Variants in ADAMTS19 observed in about 807,000 individuals in gnomAD.
The protein encoded by ADAMTS19 is A disintegrin and metalloproteinase with thrombospondin motifs 19.
Under a neutral mutation model 153.3 loss-of-function variants are expected in ADAMTS19, and 93 were observed. The observed-to-expected ratio is 0.61, with a 90% CI of 0.51 to 0.72. ADAMTS19 has a LOEUF of 0.72. ADAMTS19 is among the 30% of genes least tolerant of loss of function. ADAMTS19 has a pLI of 0.00. For missense variants in ADAMTS19, 1,482 were observed against 1,552.1 expected, an observed-to-expected ratio of 0.95 and a Z score of 0.76; for synonymous variants, 600 against 556.6, an observed-to-expected ratio of 1.08 and a Z score of -1.10.
At position 129,580,946 on chromosome 5, in the gene ADAMTS19, A is replaced by G. The variant is rs553105742; in HGVS notation, c.1373-15613A>G. On this transcript the variant is annotated intron_variant, in intron 7 of 22. Coordinates refer to ENST00000274487, the MANE Select transcript of ADAMTS19 (RefSeq NM_133638.6). Reference sequence around the variant, plus strand: ...TTGGTATCAGGATGATGCTGGCCTCATAAAATGAGTTAGGGAGGAGTCCCT... The same window carrying G: ...TTGGTATCAGGATGATGCTGGCCTCGTAAAATGAGTTAGGGAGGAGTCCCT... 1.9e-3 allele frequency among the ~76,000 whole-genome samples: 284 copies of G among 152,344 alleles called. 3 individuals carry two copies. The highest frequency in any genetic ancestry group is 6.4e-3 in the African/African-American group (266 of 41,572).
At chr5:129,503,093 T>A (rs369093116) in intron 2 of ADAMTS19, among the ~76,000 whole-genome samples, 3 of 152,204 alleles carry the variant, frequency 2.0e-5, no homozygotes, top group Non-Finnish European at 2.9e-5. Flanking sequence ...TATTTTGAAA[T>A]GTGTTTGTTC....
intron 16 of ADAMTS19, among the ~76,000 whole-genome samples, 167 bp from the exon 17 acceptor site, chr5:129,679,597 T>C (rs1581218840): frequency 6.6e-6 from 1 of 152,236 alleles, no homozygotes; most frequent in Non-Finnish European, 1.5e-5. Context: ...GCATCTGCCA[T>C]GATTGCAGAC....
At chr5:129,615,425 C>G (rs993985280) in intron 8 of ADAMTS19, among the ~76,000 whole-genome samples, 6 of 151,916 alleles carry the variant, frequency 3.9e-5, no homozygotes, top group Admixed American at 3.9e-4. Context: ...AAAAATGTAT[C>G]AAAATGCCAT....
intron 7 of ADAMTS19, among the ~76,000 whole-genome samples, chr5:129,563,751 T>C (rs1451765740): frequency 1.3e-5 from 2 of 152,188 alleles, no homozygotes; most frequent in Admixed American, 6.5e-5. Context: ...GCTTCAGATA[T>C]GCAAATAGAA....
chr5:129,528,705 C>T (rs777144417), intron 6 of ADAMTS19, 28 bp downstream of exon 6: 1 of 1,562,010 alleles, frequency 6.4e-7, no homozygotes, highest in South Asian at 1.2e-5. Context: ...AATTAAATGG[C>T]ATTCCTAATT....
intron 8 of ADAMTS19, among the ~76,000 whole-genome samples, chr5:129,617,967 G>A (rs1751605430): frequency 6.6e-6 from 1 of 151,994 alleles, no homozygotes; most frequent in Non-Finnish European, 1.5e-5. Flanking sequence ...ATTATGGTCT[G>A]TCTGTATTCC....
chr5:129,560,595 T>G (rs1052256010), intron 7 of ADAMTS19, among the ~76,000 whole-genome samples: 3 of 152,228 alleles, frequency 2.0e-5, no homozygotes, highest in Non-Finnish European at 4.4e-5. Flanking sequence ...GCTATGCATT[T>G]AAGATGATTT....
At chr5:129,610,205 T>C (rs143773007) in intron 8 of ADAMTS19, among the ~76,000 whole-genome samples, 1 of 152,006 alleles carries the variant, frequency 6.6e-6, no homozygotes, top group Non-Finnish European at 1.5e-5. Flanking sequence ...TAATGATAAA[T>C]ATGGGCTATA....
At chr5:129,488,033 C>G (rs1750653962) in intron 2 of ADAMTS19, among the ~76,000 whole-genome samples, 1 of 151,862 alleles carries the variant, frequency 6.6e-6, no homozygotes, top group Admixed American at 6.6e-5. Flanking sequence ...CGTTGTAACT[C>G]TGTATTGTGT....
At chr5:129,464,301 C>G (rs1411817927) in intron 2 of ADAMTS19, among the ~76,000 whole-genome samples, 1 of 152,162 alleles carries the variant, frequency 6.6e-6, no homozygotes, top group Non-Finnish European at 1.5e-5. Flanking sequence ...CTTTATATCT[C>G]AAGAATTCTG....
intron 18 of ADAMTS19, among the ~76,000 whole-genome samples, chr5:129,694,515 TTTA>T (rs1241562017): frequency 6.6e-6 from 1 of 151,972 alleles, no homozygotes; most frequent in Non-Finnish European, 1.5e-5. Context: ...TTACCCTGAT[TTTA>T]TTATCTGAAT....
intron 2 of ADAMTS19, among the ~76,000 whole-genome samples, chr5:129,503,252 A>G (rs901272656): frequency 6.6e-6 from 1 of 152,152 alleles, no homozygotes; most frequent in African/African-American, 2.4e-5. Context: ...CTGTGGAAAC[A>G]TTGAAAGGAT....
intron 2 of ADAMTS19, among the ~76,000 whole-genome samples, chr5:129,503,613 C>T (rs10060575): frequency 0.034 from 5,186 of 152,022 alleles, 222 homozygotes; most frequent in African/African-American, 0.1. Context: ...CTGAGGCATG[C>T]GGATCACCTG....
chr5:129,524,136 A>G (rs888390631), intron 3 of ADAMTS19, among the ~76,000 whole-genome samples: 1 of 152,154 alleles, frequency 6.6e-6, no homozygotes, highest in Non-Finnish European at 1.5e-5. Flanking sequence ...AACAGAACAG[A>G]GACCTCAAAA....
rs753058377 is a variant in ADAMTS19, at chr5:129,654,421, T to C, written c.2292T>C (p.Asn764=). The C allele has an allele frequency of 6.2e-7, 1 of 1,609,076 alleles. No homozygotes were observed. The highest frequency in any genetic ancestry group is 2.2e-5 in the East Asian group (1 of 44,822). Reference sequence around the variant, plus strand: ...ATCAGGGATTAGATATCTGTGCAAATGGCAGGTGCCAGGTAAGACATTCCA... The same window carrying C: ...ATCAGGGATTAGATATCTGTGCAAACGGCAGGTGCCAGGTAAGACATTCCA... The part of the protein sequence containing the change: ...CGYQGLDICA[N]GRCQKVGCDG... Residue 764 remains asparagine (N), a synonymous_variant, in exon 14 of 23, where the codon AAT becomes AAC. Transcript: ENST00000274487.
intron 6 of ADAMTS19, among the ~76,000 whole-genome samples, chr5:129,529,269 GTAAAAATAAGTAATTCAT>G (rs1310017929): frequency 1.3e-5 from 2 of 152,024 alleles, no homozygotes; most frequent in Non-Finnish European, 2.9e-5. Flanking sequence ...CTTAAAGCTG[GTAAAAATAAGTAATTCAT>G]TGTGAACTAG....
intron 3 of ADAMTS19, among the ~76,000 whole-genome samples, chr5:129,510,791 A>G (rs998456402): frequency 2.0e-5 from 3 of 151,420 alleles, no homozygotes; most frequent in African/African-American, 7.3e-5. Flanking sequence ...ATTCTGAATT[A>G]TATAGGTTAA....
rs555540174 is a variant in ADAMTS19, at chr5:129,542,258, T to C, written c.1329-9606T>C. 7.2e-5 allele frequency among the ~76,000 whole-genome samples: 11 copies of C among 152,314 alleles called. No homozygotes were observed. The East Asian group carries it at 2.1e-3, about 29-fold the overall frequency. On this transcript the variant is annotated intron_variant, in intron 6 of 22. Coordinates refer to ENST00000274487, the MANE Select transcript of ADAMTS19 (RefSeq NM_133638.6). ...GAGCCATTCATATTTTACTATATTA[T>C]CTCTTTTCCATCCTCTGAAAACATG...
chr5:129,605,451 C>T (rs1207381558), intron 8 of ADAMTS19, among the ~76,000 whole-genome samples: 2 of 152,196 alleles, frequency 1.3e-5, no homozygotes, highest in African/African-American at 2.4e-5. Context: ...TTCTCCAGAG[C>T]AGCCACATGG....
Sources: allele counts gnomAD v4.1 joint callset (sites outside exome capture counted in the v4.1 genomes callset), GRCh38; gene constraint gnomAD v4.1.1; transcripts MANE v1.5; gene names NCBI Gene and HGNC (gene_info 2026-07-23, HGNC 2026-07-21).